Variants in EYS observed in about 807,000 individuals in gnomAD.
The protein encoded by EYS is EGF-like photoreceptor maintenance factor.
Under a neutral mutation model 282.1 loss-of-function variants are expected in EYS, and 250 were observed. That is an observed-to-expected ratio of 0.89 (90% CI 0.80 to 0.98). The LOEUF (loss-of-function observed/expected upper bound fraction) is 0.98. Ranked by LOEUF, EYS falls within the 50% of genes least tolerant of loss-of-function variation. The pLI is 0.00. For missense variants in EYS, 4,016 were observed against 3,709.0 expected, an observed-to-expected ratio of 1.08 and a Z score of -2.15; for synonymous variants, 1,355 against 1,282.9, an observed-to-expected ratio of 1.06 and a Z score of -1.20.
intron 21 of EYS, among the ~76,000 whole-genome samples, chr6:64,817,578 G>A (rs940555239): frequency 2.0e-5 from 3 of 151,974 alleles, no homozygotes; most frequent in Non-Finnish European, 4.4e-5. Context: ...GCATAAAATA[G>A]GTCATTTTTT....
intron 5 of EYS, among the ~76,000 whole-genome samples, chr6:65,423,303 T>C (rs1767535677): frequency 6.6e-6 from 1 of 151,970 alleles, no homozygotes; most frequent in African/African-American, 2.4e-5. Context: ...TTCAAAATGT[T>C]AAATTATTCA....
intron 22 of EYS, among the ~76,000 whole-genome samples, chr6:64,678,177 C>T (rs758166317): frequency 7.9e-5 from 12 of 151,818 alleles, no homozygotes; most frequent in Non-Finnish European, 1.5e-4. Context: ...CAAAAAGAGT[C>T]TGGCTTACAT....
At chr6:65,363,482 A>G (rs955781754) in intron 8 of EYS, among the ~76,000 whole-genome samples, 5 of 152,000 alleles carry the variant, frequency 3.3e-5, no homozygotes, top group African/African-American at 1.2e-4. Flanking sequence ...TCCTTTAAGT[A>G]TATGTCATTT....
chr6:64,628,055 G>T (rs1459525527), intron 22 of EYS, among the ~76,000 whole-genome samples: 1 of 152,118 alleles, frequency 6.6e-6, no homozygotes, highest in African/African-American at 2.4e-5. Flanking sequence ...ACTCCAGCCC[G>T]GGCGACAGTG....
intron 19 of EYS, among the ~76,000 whole-genome samples, chr6:64,867,157 G>C (rs762263580): frequency 6.6e-6 from 1 of 151,674 alleles, no homozygotes; most frequent in African/African-American, 2.4e-5. Context: ...AAGACCATGT[G>C]TCTTATTTTA....
chr6:64,715,261 G>T (rs1252306108), intron 22 of EYS, among the ~76,000 whole-genome samples: 1 of 152,138 alleles, frequency 6.6e-6, no homozygotes, highest in African/African-American at 2.4e-5. Context: ...CCTTCTGGGG[G>T]TGATGGGAGA....
At chr6:65,671,215 T>C (rs764091376) in intron 1 of EYS, among the ~76,000 whole-genome samples, 8 of 152,120 alleles carry the variant, frequency 5.3e-5, no homozygotes, top group Non-Finnish European at 1.2e-4. Flanking sequence ...TTAAAATCAG[T>C]TCCACTCTTG....
At chr6:64,530,636 T>C (rs1251514525) in intron 26 of EYS, among the ~76,000 whole-genome samples, 1 of 152,144 alleles carries the variant, frequency 6.6e-6, no homozygotes, top group Non-Finnish European at 1.5e-5. Flanking sequence ...TATTAACTAA[T>C]GACTTCGTTT....
At chr6:64,228,261 T>G (rs970818867) in intron 31 of EYS, among the ~76,000 whole-genome samples, 1 of 152,148 alleles carries the variant, frequency 6.6e-6, no homozygotes, top group African/African-American at 2.4e-5. Context: ...TGGTTAAAAA[T>G]AAATATTCAT....
chr6:64,241,559 G>C (rs1766827715), intron 30 of EYS, among the ~76,000 whole-genome samples: 1 of 151,844 alleles, frequency 6.6e-6, no homozygotes, highest in Non-Finnish European at 1.5e-5. Context: ...TGTGGGGTCA[G>C]TGTTGTTGTC....
At chr6:63,981,646 C>A (rs1006337162) in intron 35 of EYS, among the ~76,000 whole-genome samples, 1 of 151,840 alleles carries the variant, frequency 6.6e-6, no homozygotes, top group Non-Finnish European at 1.5e-5. Flanking sequence ...ATCTGGAAGT[C>A]TTTAAACAGT....
chr6:63,856,020 T>G (rs141846763), intron 36 of EYS, among the ~76,000 whole-genome samples: 4 of 151,650 alleles, frequency 2.6e-5, no homozygotes, highest in African/African-American at 9.7e-5. Context: ...GTGAAGTTTT[T>G]TTTTTTTTTT....
chr6:64,453,822 A>G (rs557313919), intron 26 of EYS, among the ~76,000 whole-genome samples: 6 of 152,122 alleles, frequency 3.9e-5, no homozygotes, highest in Non-Finnish European at 7.3e-5. Context: ...ACACATGGAC[A>G]CAGGAAGGGG....
intron 9 of EYS, 64 bp from the exon 10 acceptor site, chr6:65,344,241 TTAAG>T: frequency 7.7e-7 from 1 of 1,295,296 alleles, no homozygotes; most frequent in Non-Finnish European, 1.1e-6. Flanking sequence ...GAATGAATTA[TTAAG>T]GACTGTGGTC....
intron 25 of EYS, 120 bp downstream of exon 25, chr6:64,592,997 A>C: frequency 1.5e-6 from 1 of 672,408 alleles, no homozygotes. Context: ...GCTTAATTTT[A>C]CACCCCTAAA....
chr6:64,096,086 C>G (rs913519744), intron 31 of EYS, among the ~76,000 whole-genome samples: 5 of 152,328 alleles, frequency 3.3e-5, no homozygotes, highest in Admixed American at 2.0e-4. Context: ...GGCCCCCACT[C>G]TCTTCTGGCT....
At chr6:64,786,243 G>T (rs929250468) in intron 22 of EYS, among the ~76,000 whole-genome samples, 1 of 151,034 alleles carries the variant, frequency 6.6e-6, no homozygotes, top group South Asian at 2.1e-4. Context: ...GCAAAAAGGG[G>T]CAAGAAGGAA....
chr6:63,785,836 C>A (rs1332161374), intron 39 of EYS, among the ~76,000 whole-genome samples: 1 of 152,046 alleles, frequency 6.6e-6, no homozygotes, highest in Admixed American at 6.6e-5. Context: ...TGGAAAATCC[C>A]TGTCTCTAAT....
chr6:64,748,775 T>A (rs886371058), intron 22 of EYS, among the ~76,000 whole-genome samples: 2 of 152,208 alleles, frequency 1.3e-5, no homozygotes, highest in African/African-American at 4.8e-5. Flanking sequence ...AATTTTTTAA[T>A]TTTTTATTGT....
Sources: gnomAD v4.1 joint callset for allele counts (sites outside exome capture counted in the v4.1 genomes callset) on GRCh38, gnomAD v4.1.1 for gene constraint, MANE v1.5 for transcripts, NCBI Gene and HGNC (gene_info 2026-07-23, HGNC 2026-07-21) for gene names.